LGR5: variants seen among roughly 807,000 people sequenced by gnomAD.
LGR5 encodes leucine-rich repeat-containing G protein-coupled receptor 5.
In LGR5, 54 loss-of-function variants were observed where a neutral mutation model predicts 76.7. That is an observed-to-expected ratio of 0.70 (90% CI 0.57 to 0.88). The LOEUF (loss-of-function observed/expected upper bound fraction) is 0.88, where lower values mean the gene tolerates loss of function less well. Ranked by LOEUF, LGR5 falls within the 40% of genes least tolerant of loss-of-function variation. LGR5 has a pLI of 0.00. For missense variants in LGR5, 1,078 were observed against 1,073.3 expected (o/e 1.00, Z -0.06); for synonymous variants, 406 against 421.9 (o/e 0.96, Z 0.46).
chr12:71,512,468 C>G (rs958339670), intron 2 of LGR5, among the ~76,000 whole-genome samples: 7 of 152,184 alleles, frequency 4.6e-5, no homozygotes, highest in Admixed American at 1.3e-4. Context: ...AATCGCCTAG[C>G]ACACTTTTTA....
chr12:71,582,600 A>G, intron 17 of LGR5, 61 bp downstream of exon 17: 1 of 1,270,350 alleles, frequency 7.9e-7, no homozygotes, highest in Non-Finnish European at 1.2e-6. Flanking sequence ...GAGTCCATGA[A>G]AAACAATACA....
chr12:71,496,232 G>A (rs112801716), intron 1 of LGR5, among the ~76,000 whole-genome samples: 27 of 152,152 alleles, frequency 1.8e-4, no homozygotes, highest in East Asian at 1.2e-3. Flanking sequence ...TTAGCTGGAC[G>A]TGGTGGCACA....
chr12:71,483,468 G>T (rs1278633457), intron 1 of LGR5, among the ~76,000 whole-genome samples: 1 of 152,036 alleles, frequency 6.6e-6, no homozygotes, highest in Admixed American at 6.6e-5. Context: ...CTTTTTCTGG[G>T]GTACCTCCTC....
Position 71,574,994 on chromosome 12 carries a change from T to C in LGR5, c.1208+2073T>C, listed in dbSNP as rs554130584. ...TAGCCCAGGGTCTAGTGCAGTGGCT[T>C]TTTTATTATTTGCTTAAGAATTTAA... On this transcript the variant is annotated intron_variant, in intron 13 of 17. Transcript: ENST00000266674. 2.6e-5 allele frequency among the ~76,000 whole-genome samples: 4 copies of C among 152,320 alleles called. No individual in the cohort carries two copies. In the East Asian group the frequency reaches 7.7e-4, roughly 29 times the overall value.
intron 4 of LGR5, among the ~76,000 whole-genome samples, chr12:71,537,590 G>A (rs988431491): frequency 6.6e-6 from 1 of 152,174 alleles, no homozygotes; most frequent in Admixed American, 6.5e-5. Context: ...ACATACACAA[G>A]GCCAGTTTGG....
chr12:71,479,691 C>T (rs56389915), intron 1 of LGR5, among the ~76,000 whole-genome samples: 13,541 of 151,964 alleles, frequency 0.089, 647 homozygotes, highest in Non-Finnish European at 0.11. Context: ...GAGGAGCCAG[C>T]CATTGGAAGG....
intron 2 of LGR5, among the ~76,000 whole-genome samples, chr12:71,507,061 T>A (rs1022503484): frequency 3.3e-5 from 5 of 152,198 alleles, no homozygotes; most frequent in Admixed American, 1.3e-4. Flanking sequence ...TGTGTGCCAA[T>A]CACTGTTGAA....
intron 1 of LGR5, among the ~76,000 whole-genome samples, chr12:71,449,670 C>G (rs192894128): frequency 1.3e-5 from 2 of 152,244 alleles, no homozygotes; most frequent in Admixed American, 1.3e-4. Flanking sequence ...TTGAAGCCCT[C>G]TTTGCCTTAG....
intron 7 of LGR5, among the ~76,000 whole-genome samples, chr12:71,560,020 A>G (rs1321070392): frequency 6.6e-6 from 1 of 152,194 alleles, no homozygotes; most frequent in Non-Finnish European, 1.5e-5. Context: ...TGAGAACTTG[A>G]ACATTTCTGG....
chr12:71,537,937 C>T (rs1876684298), intron 4 of LGR5, among the ~76,000 whole-genome samples: 1 of 151,138 alleles, frequency 6.6e-6, no homozygotes, highest in Admixed American at 6.6e-5. Context: ...CATGGTTTCC[C>T]TTTTTTTTTC....
intron 7 of LGR5, 105 bp downstream of exon 7, chr12:71,559,759 AGT>A: frequency 1.6e-6 from 1 of 606,160 alleles, no homozygotes; most frequent in Non-Finnish European, 2.9e-6. Flanking sequence ...GAAAATTTTA[AGT>A]TTATATAAAT....
chr12:71,563,443 C>T (rs1187130620), intron 8 of LGR5, among the ~76,000 whole-genome samples: 1 of 152,186 alleles, frequency 6.6e-6, no homozygotes, highest in Non-Finnish European at 1.5e-5. Context: ...AGCACGGCAA[C>T]CATCTTGTTA....
intron 1 of LGR5, among the ~76,000 whole-genome samples, chr12:71,481,665 G>A (rs966354193): frequency 1.2e-4 from 19 of 152,126 alleles, no homozygotes; most frequent in African/African-American, 3.9e-4. Context: ...CATCCTGTTG[G>A]CATGAAAGGG....
intron 1 of LGR5, among the ~76,000 whole-genome samples, chr12:71,442,856 A>T (rs1027062643): frequency 1.3e-5 from 2 of 152,316 alleles, no homozygotes; most frequent in African/African-American, 2.4e-5. Flanking sequence ...ATTTATTCAT[A>T]TTCAAATAAA....
chr12:71,450,725 A>T (rs1265483155), intron 1 of LGR5, among the ~76,000 whole-genome samples: 1 of 152,172 alleles, frequency 6.6e-6, no homozygotes, highest in East Asian at 1.9e-4. Flanking sequence ...CTCTTCTAGC[A>T]GTGACATTGC....
At chr12:71,454,315 C>T (rs1023483914) in intron 1 of LGR5, among the ~76,000 whole-genome samples, 6 of 152,170 alleles carry the variant, frequency 3.9e-5, no homozygotes, top group African/African-American at 1.2e-4. Flanking sequence ...TATTTTACCA[C>T]TCTAAATCCA....
chr12:71,578,983 G>C, intron 15 of LGR5, 54 bp downstream of exon 15: 1 of 1,504,362 alleles, frequency 6.6e-7, no homozygotes, highest in Non-Finnish European at 9.0e-7. Context: ...TGAAATAATA[G>C]ATGTATTATA....
intron 17 of LGR5, 55 bp downstream of exon 17, chr12:71,582,594 C>A: frequency 7.5e-7 from 1 of 1,326,908 alleles, no homozygotes; most frequent in Non-Finnish European, 1.1e-6. Flanking sequence ...GATTCTGAGT[C>A]CATGAAAAAC....
intron 1 of LGR5, among the ~76,000 whole-genome samples, 155 bp from the exon 2 acceptor site, chr12:71,504,459 G>T (rs1188115391): frequency 1.3e-5 from 2 of 152,112 alleles, no homozygotes; most frequent in Non-Finnish European, 2.9e-5. Flanking sequence ...TTGGAGAAAA[G>T]GAATTAATAT....
Sources: gnomAD v4.1 joint callset for allele counts (sites outside exome capture counted in the v4.1 genomes callset) on GRCh38, gnomAD v4.1.1 for gene constraint, MANE v1.5 for transcripts, NCBI Gene and HGNC (gene_info 2026-07-23, HGNC 2026-07-21) for gene names.